The following LMBRD1 variants were observed in gnomAD, a reference collection of about 807,000 sequenced individuals.
LMBRD1 encodes the protein lysosomal cobalamin transport escort protein LMBD1.
LMBRD1 carries 64 observed loss-of-function variants against 74.8 expected under a neutral mutation model. The observed-to-expected ratio is 0.86, with a 90% CI of 0.70 to 1.05. LMBRD1 has a LOEUF of 1.05. LMBRD1 is among the 50% of genes least tolerant of loss of function. LMBRD1 has a pLI of 0.00. For missense variants in LMBRD1, 652 were observed against 645.9 expected (o/e 1.01, Z -0.10); for synonymous variants, 204 against 216.3 (o/e 0.94, Z 0.50).
Position 69,738,033 on chromosome 6 carries a change from C to G in LMBRD1, c.563-18G>C. ...TAAACCATCTGTGAAGAAAGAAAAACTGTTAAAAATGTACATATATACTAC... is the reference window on the plus strand; with the variant it reads ...TAAACCATCTGTGAAGAAAGAAAAAGTGTTAAAAATGTACATATATACTAC... On this transcript the variant is annotated intron_variant, in intron 6 of 15. Transcript: ENST00000649934. 2 of 1,581,166 alleles carry G rather than the reference C, an allele frequency of 1.3e-6. No homozygotes were observed. The highest frequency in any genetic ancestry group is 1.7e-6 in the Non-Finnish European group (2 of 1,154,248).
At chr6:69,747,269 T>C (rs1366175902) in intron 5 of LMBRD1, among the ~76,000 whole-genome samples, 1 of 152,058 alleles carries the variant, frequency 6.6e-6, no homozygotes, top group Non-Finnish European at 1.5e-5. Context: ...CCCTTCTCTC[T>C]CTGCAAGCAC....
At chr6:69,791,201 G>C (rs1160102498) in intron 1 of LMBRD1, among the ~76,000 whole-genome samples, 1 of 152,180 alleles carries the variant, frequency 6.6e-6, no homozygotes, top group Non-Finnish European at 1.5e-5. Flanking sequence ...GAATCACTTG[G>C]AGGAACTGTT....
intron 3 of LMBRD1, among the ~76,000 whole-genome samples, chr6:69,763,127 CAA>C (rs1360248062): frequency 6.7e-6 from 1 of 150,340 alleles, no homozygotes; most frequent in Non-Finnish European, 1.5e-5. Flanking sequence ...TTGTGGAAGG[CAA>C]AGTTTGCCAG....
At chr6:69,695,195 T>C (rs868306172) in intron 14 of LMBRD1, among the ~76,000 whole-genome samples, 3 of 151,914 alleles carry the variant, frequency 2.0e-5, no homozygotes, top group South Asian at 2.1e-4. Flanking sequence ...TTTTCTTCAA[T>C]CTTTCCTGCT....
chr6:69,752,822 TTCTCA>T (rs1448176989), intron 3 of LMBRD1, among the ~76,000 whole-genome samples: 7 of 152,294 alleles, frequency 4.6e-5, no homozygotes, highest in African/African-American at 1.7e-4. Flanking sequence ...ATAAATAATT[TTCTCA>T]TCTCAAGTTT....
intron 3 of LMBRD1, among the ~76,000 whole-genome samples, chr6:69,772,548 A>G (rs1582146868): frequency 6.6e-6 from 1 of 152,250 alleles, no homozygotes; most frequent in African/African-American, 2.4e-5. Flanking sequence ...TTCTTACGCT[A>G]CTAGGTCTCT....
At chr6:69,754,436 C>T (rs1452672377) in intron 3 of LMBRD1, among the ~76,000 whole-genome samples, 2 of 152,156 alleles carry the variant, frequency 1.3e-5, no homozygotes, top group Admixed American at 6.5e-5. Flanking sequence ...AGCCCTACTA[C>T]ATGCAATACA....
chr6:69,685,985 G>A (rs1310122068), intron 14 of LMBRD1, among the ~76,000 whole-genome samples: 8 of 151,934 alleles, frequency 5.3e-5, no homozygotes, highest in Admixed American at 5.2e-4. Context: ...GGGTCATTAT[G>A]GCAAACAAAA....
At chr6:69,686,908 G>C (rs1254429603) in intron 14 of LMBRD1, among the ~76,000 whole-genome samples, 1 of 152,170 alleles carries the variant, frequency 6.6e-6, no homozygotes, top group Non-Finnish European at 1.5e-5. Context: ...TGCTGCAATG[G>C]AAGAGCTGAG....
At chr6:69,757,230 A>C (rs968111479) in intron 3 of LMBRD1, among the ~76,000 whole-genome samples, 2 of 152,246 alleles carry the variant, frequency 1.3e-5, no homozygotes, top group African/African-American at 4.8e-5. Flanking sequence ...ATTGAACATA[A>C]GGAAGTTTGA....
intron 4 of LMBRD1, among the ~76,000 whole-genome samples, chr6:69,750,989 A>G (rs80063378): frequency 0.019 from 2,941 of 152,276 alleles, 102 homozygotes; most frequent in African/African-American, 0.067. Flanking sequence ...TAAACAAGGT[A>G]TAAAACAAAA....
In LMBRD1 at chr6:69,704,969, A is replaced by T. The variant is rs1188567063; in HGVS notation, c.916-3016T>A. On this transcript the variant is annotated intron_variant, in intron 9 of 15. Transcript: ENST00000649934. ...CAGGCTATTAATTTCTCTTTTTTTT[A>T]AATTTATTAAAATACTGAGTTTTAT... Among the ~76,000 whole-genome samples, 114 of 136,134 alleles carry T rather than the reference A, an allele frequency of 8.4e-4. 1 individual carries two copies. Among genetic ancestry groups the T allele is most frequent in the Admixed American group, 2.3e-3 (31 of 13,750 alleles). The allele number at this position is 136,134 out of a possible 152,430, so 89.3% of individuals were successfully genotyped here. A position where few individuals can be genotyped will look rare whatever the true frequency, so the allele number is the denominator to read the frequency against.
At chr6:69,767,373 C>T (rs577770533) in intron 3 of LMBRD1, among the ~76,000 whole-genome samples, 43 of 151,468 alleles carry the variant, frequency 2.8e-4, no homozygotes, top group Non-Finnish European at 5.8e-4. Context: ...AGCTATATCC[C>T]GTAAATTTTG....
intron 6 of LMBRD1, among the ~76,000 whole-genome samples, chr6:69,741,319 C>G (rs1767095804): frequency 6.6e-6 from 1 of 151,756 alleles, no homozygotes; most frequent in African/African-American, 2.4e-5. Flanking sequence ...AAGAATGCAA[C>G]ACTTCTAATT....
intron 2 of LMBRD1, among the ~76,000 whole-genome samples, chr6:69,780,963 G>A (rs946107312): frequency 6.6e-5 from 10 of 152,180 alleles, no homozygotes; most frequent in Non-Finnish European, 1.5e-4. Flanking sequence ...GGAAAGGTAA[G>A]AGAAACCAGG....
rs1377092686 is a variant in LMBRD1 at position 69,752,270 on chromosome 6, T to C, written c.394A>G (p.Ser132Gly). The C allele has an allele frequency of 5.6e-6, 9 of 1,609,608 alleles. No homozygotes were observed. Among genetic ancestry groups the C allele is most frequent in the Non-Finnish European group, 7.7e-6 (9 of 1,176,464 alleles). ...YYEEKDDDDT[S>G]KCTQIKTALK... ...ATAAAGATACTTACAGTACATTTAC[T>C]AGTATCATCATCATCCTTTTCTTCA... is the stretch of plus-strand genomic sequence containing the variant. Residue 132 changes from serine (S) to glycine (G), a missense_variant, in exon 4 of 16, where the codon AGT (serine) becomes GGT (glycine). Coordinates refer to ENST00000649934, the MANE Select transcript of LMBRD1 (RefSeq NM_018368.4).
chr6:69,740,079 C>T (rs1047775271), intron 6 of LMBRD1, among the ~76,000 whole-genome samples: 29 of 152,002 alleles, frequency 1.9e-4, no homozygotes, highest in African/African-American at 6.1e-4. Context: ...GCACTCTAGC[C>T]GGGGTGACAG....
At chr6:69,770,617 T>C (rs973759854) in intron 3 of LMBRD1, among the ~76,000 whole-genome samples, 1 of 152,144 alleles carries the variant, frequency 6.6e-6, no homozygotes, top group African/African-American at 2.4e-5. Flanking sequence ...TTTCCCTAAA[T>C]TACATAGAAA....
At chr6:69,729,112 T>G (rs140373353) in intron 7 of LMBRD1, among the ~76,000 whole-genome samples, 1 of 151,582 alleles carries the variant, frequency 6.6e-6, no homozygotes, top group African/African-American at 2.4e-5. Context: ...CTTTATCTCA[T>G]GCTTCTGAAT....
Sources: gnomAD v4.1 joint callset for allele counts (sites outside exome capture counted in the v4.1 genomes callset) on GRCh38, gnomAD v4.1.1 for gene constraint, MANE v1.5 for transcripts, NCBI Gene and HGNC (gene_info 2026-07-23, HGNC 2026-07-21) for gene names.